The following TBC1D22A variants were observed in gnomAD, a reference collection of about 807,000 sequenced individuals.
TBC1D22A encodes the protein putative GTPase activator.
A neutral mutation model predicts 60.2 loss-of-function variants in TBC1D22A; 38 were observed. The observed-to-expected ratio is 0.63, with a 90% CI of 0.49 to 0.83. The LOEUF is 0.83. TBC1D22A is among the 40% of genes least tolerant of loss of function. The pLI, the probability that TBC1D22A is intolerant of heterozygous loss-of-function variation, is 0.00. For missense variants in TBC1D22A, 628 were observed against 701.0 expected (o/e 0.90, Z 1.18); for synonymous variants, 302 against 281.7 (o/e 1.07, Z -0.72).
chr22:47,011,355 A>C (rs1395192237), intron 10 of TBC1D22A, among the ~76,000 whole-genome samples: 1 of 152,134 alleles, frequency 6.6e-6, no homozygotes, highest in Non-Finnish European at 1.5e-5. Context: ...ACTCCTGACC[A>C]GCATCTTGTG....
intron 12 of TBC1D22A, among the ~76,000 whole-genome samples, chr22:47,150,754 G>C (rs1040993033): frequency 4.6e-5 from 7 of 152,136 alleles, no homozygotes; most frequent in Admixed American, 3.9e-4. Flanking sequence ...CTTCTCTGTG[G>C]GTCACCAAGT....
chr22:47,172,802 G>A (rs572031064), intron 12 of TBC1D22A, among the ~76,000 whole-genome samples: 1 of 152,366 alleles, frequency 6.6e-6, no homozygotes, highest in Non-Finnish European at 1.5e-5. Context: ...GCTGGGTTTG[G>A]TGGAGCCCTG....
intron 10 of TBC1D22A, among the ~76,000 whole-genome samples, chr22:47,030,912 C>T (rs4494): frequency 1.3e-5 from 2 of 152,118 alleles, no homozygotes; most frequent in African/African-American, 2.4e-5. Context: ...CACGTCCCGG[C>T]GGGGTGAGGC....
At chr22:47,062,433 A>G (rs970873985) in intron 11 of TBC1D22A, among the ~76,000 whole-genome samples, 1 of 152,208 alleles carries the variant, frequency 6.6e-6, no homozygotes, top group Non-Finnish European at 1.5e-5. Flanking sequence ...CTGTCTGGAC[A>G]AAGCCTTTGG....
At chr22:47,091,769 G>C (rs2064987377) in intron 11 of TBC1D22A, among the ~76,000 whole-genome samples, 1 of 152,104 alleles carries the variant, frequency 6.6e-6, no homozygotes, top group African/African-American at 2.4e-5. Context: ...CCTTTTTCCA[G>C]CTGAGGAAAC....
intron 5 of TBC1D22A, among the ~76,000 whole-genome samples, chr22:46,887,689 C>T (rs1050700951): frequency 5.9e-5 from 9 of 152,148 alleles, no homozygotes; most frequent in East Asian, 1.9e-4. Context: ...AGGTAAGGGG[C>T]GGTGACCGAG....
chr22:46,938,555 T>A (rs2071794691), intron 8 of TBC1D22A, among the ~76,000 whole-genome samples: 1 of 152,162 alleles, frequency 6.6e-6, no homozygotes, highest in Non-Finnish European at 1.5e-5. Flanking sequence ...TCTTTCTTGA[T>A]ATTATTTTAT....
chr22:47,046,224 C>T (rs543615721), intron 11 of TBC1D22A, among the ~76,000 whole-genome samples: 63 of 152,168 alleles, frequency 4.1e-4, no homozygotes, highest in Non-Finnish European at 7.2e-4. Context: ...CCGAGTGGGA[C>T]GGTGGACTGT....
intron 9 of TBC1D22A, among the ~76,000 whole-genome samples, chr22:46,988,680 T>G (rs2074818976): frequency 6.6e-6 from 1 of 152,224 alleles, no homozygotes; most frequent in Admixed American, 6.5e-5. Context: ...TGTAAACAAA[T>G]GTGCTGTCAT....
chr22:47,133,813 C>T (rs1044854167), intron 12 of TBC1D22A, among the ~76,000 whole-genome samples: 10 of 152,286 alleles, frequency 6.6e-5, no homozygotes, highest in Admixed American at 2.6e-4. Flanking sequence ...GATCCAGCAG[C>T]GGCTTCAGGC....
intron 11 of TBC1D22A, among the ~76,000 whole-genome samples, chr22:47,107,408 T>C (rs1236166720): frequency 6.6e-6 from 1 of 151,998 alleles, no homozygotes; most frequent in East Asian, 1.9e-4. Context: ...GAGAGAAATA[T>C]AAGGAAATAA....
At chr22:47,053,920 C>T (rs1320032115) in intron 11 of TBC1D22A, among the ~76,000 whole-genome samples, 1 of 152,200 alleles carries the variant, frequency 6.6e-6, no homozygotes, top group Non-Finnish European at 1.5e-5. Flanking sequence ...CGGGAATGCT[C>T]CAGAAGTGGT....
At chr22:47,169,433 G>A (rs1441415744) in intron 12 of TBC1D22A, among the ~76,000 whole-genome samples, 1 of 152,178 alleles carries the variant, frequency 6.6e-6, no homozygotes, top group East Asian at 1.9e-4. Flanking sequence ...CTTGGGCTGG[G>A]GCCAGGACAA....
intron 10 of TBC1D22A, among the ~76,000 whole-genome samples, chr22:47,022,136 G>A (rs1033088088): frequency 6.6e-6 from 1 of 152,170 alleles, no homozygotes; most frequent in Admixed American, 6.5e-5. Context: ...TCCTGTTTCC[G>A]GTCAACATTG....
At chr22:46,841,925 C>T (rs562768161) in intron 4 of TBC1D22A, among the ~76,000 whole-genome samples, 57 of 152,270 alleles carry the variant, frequency 3.7e-4, no homozygotes, top group African/African-American at 1.3e-3. Context: ...ACAATGTCTA[C>T]GTAAATCTGA....
chr22:46,768,345 C>T (rs897083436), intron 1 of TBC1D22A, among the ~76,000 whole-genome samples: 7 of 151,802 alleles, frequency 4.6e-5, no homozygotes, highest in Non-Finnish European at 1.0e-4. Flanking sequence ...GTTAGCCAGG[C>T]GTGGTGGCAG....
rs146694684 is a variant in TBC1D22A at position 47,119,191 on chromosome 22, A to G, written c.1425+7588A>G. Among the ~76,000 whole-genome samples, 9 of 152,358 alleles carry G rather than the reference A, an allele frequency of 5.9e-5. No individual in the cohort carries two copies. In the East Asian group the frequency reaches 1.7e-3, roughly 29 times the overall value. The stretch of plus-strand genomic sequence containing the variant: ...TTGAATAGACTTATAATTTGGGAGT[A>G]AATCCAAACATTGCCAAAAGTCTTG... On this transcript the variant is annotated intron_variant, in intron 12 of 12. Coordinates refer to ENST00000337137, the MANE Select transcript of TBC1D22A (RefSeq NM_014346.5).
chr22:47,020,859 T>C (rs1006191696), intron 10 of TBC1D22A, among the ~76,000 whole-genome samples: 10 of 146,806 alleles, frequency 6.8e-5, no homozygotes, highest in African/African-American at 2.7e-4. Flanking sequence ...TACAGGATTA[T>C]ATAATAATCC....
intron 4 of TBC1D22A, among the ~76,000 whole-genome samples, chr22:46,841,405 A>C (rs2086765930): frequency 6.6e-6 from 1 of 151,942 alleles, no homozygotes. Context: ...TTAGACTTTC[A>C]CCCTCCAGAA....
Sources: gnomAD v4.1 joint callset for allele counts (sites outside exome capture counted in the v4.1 genomes callset) on GRCh38, gnomAD v4.1.1 for gene constraint, MANE v1.5 for transcripts, NCBI Gene and HGNC (gene_info 2026-07-23, HGNC 2026-07-21) for gene names.